Variants in CADM2 observed in about 807,000 individuals in gnomAD.
CADM2 encodes the protein cell adhesion molecule 2.
CADM2 carries 12 observed loss-of-function variants against 49.8 expected under a neutral mutation model. That is an observed-to-expected ratio of 0.24 (90% CI 0.15 to 0.39). The LOEUF is 0.39. Ranked by LOEUF, CADM2 falls within the 10% of genes least tolerant of loss-of-function variation. The probability of loss-of-function intolerance (pLI) is 1.00; values close to 1 mark genes in which losing one functional copy is unlikely to be tolerated. For missense variants in CADM2, 378 were observed against 492.3 expected (o/e 0.77, Z 2.20); for synonymous variants, 214 against 175.4 (o/e 1.22, Z -1.74).
intron 1 of CADM2, chr3:85,511,853 T>C (rs2040632194): frequency 2.0e-6 from 2 of 982,758 alleles, no homozygotes; most frequent in Non-Finnish European, 2.4e-6. Flanking sequence ...TCTTTCTGTT[T>C]TAGGTAAGCA....
At position 86,065,738 on chromosome 3, in the gene CADM2, A is replaced by G. The variant is rs1739230791; in HGVS notation, c.1096+8A>G. The G allele has an allele frequency of 6.2e-7, 1 of 1,612,276 alleles. No individual in the cohort carries two copies. On this transcript the variant is annotated splice_region_variant and intron_variant, in intron 9 of 9. Transcript: ENST00000383699. ...ATCTGGCAAGGCATAAAGGTACGTTATATTTAGCCAGAGTACACAATGTGG... is the reference window on the plus strand; with the variant it reads ...ATCTGGCAAGGCATAAAGGTACGTTGTATTTAGCCAGAGTACACAATGTGG...
chr3:85,693,723 C>CAAAAAAAAAA (rs397807084), intron 1 of CADM2, among the ~76,000 whole-genome samples: 1 of 66,556 alleles, frequency 1.5e-5, no homozygotes, highest in Non-Finnish European at 2.8e-5. Context: ...ACGTATCTAC[C>CAAAAAAAAAA]AAAAAAAAAA....
intron 1 of CADM2, among the ~76,000 whole-genome samples, chr3:85,118,561 G>C (rs901764759): frequency 2.6e-5 from 4 of 151,952 alleles, no homozygotes; most frequent in Non-Finnish European, 5.9e-5. Context: ...TCACTATCAC[G>C]AGAGCAACAT....
intron 1 of CADM2, among the ~76,000 whole-genome samples, chr3:85,183,765 G>T (rs1422203401): frequency 6.6e-6 from 1 of 152,100 alleles, no homozygotes; most frequent in African/African-American, 2.4e-5. Flanking sequence ...AGTCTATAAT[G>T]CAAGGCGAAT....
chr3:85,938,068 G>T (rs1250372565), intron 7 of CADM2, among the ~76,000 whole-genome samples: 1 of 151,934 alleles, frequency 6.6e-6, no homozygotes, highest in Non-Finnish European at 1.5e-5. Context: ...CTTCTTTGAT[G>T]CCTTTCTTCA....
At chr3:85,677,097 A>G (rs930583441) in intron 1 of CADM2, among the ~76,000 whole-genome samples, 6 of 152,166 alleles carry the variant, frequency 3.9e-5, no homozygotes, top group African/African-American at 1.2e-4. Context: ...TCTCAGCTTC[A>G]TGACACTGTT....
chr3:85,370,335 T>C (rs569318609), intron 1 of CADM2, among the ~76,000 whole-genome samples: 114 of 151,620 alleles, frequency 7.5e-4, no homozygotes, highest in Non-Finnish European at 1.3e-3. Flanking sequence ...GGCAGGAGAA[T>C]TGCTTGACCG....
intron 1 of CADM2, among the ~76,000 whole-genome samples, chr3:85,684,406 C>T (rs901322895): frequency 6.6e-6 from 1 of 151,896 alleles, no homozygotes; most frequent in African/African-American, 2.4e-5. Context: ...CAACTAACTC[C>T]CTATAGGTTT....
chr3:85,097,614 C>T (rs538906660), intron 1 of CADM2, among the ~76,000 whole-genome samples: 2 of 152,270 alleles, frequency 1.3e-5, no homozygotes, highest in African/African-American at 4.8e-5. Context: ...ACAGTCCCAC[C>T]AACAGTGTAA....
chr3:85,892,090 G>A (rs1714518802), intron 5 of CADM2, among the ~76,000 whole-genome samples: 1 of 152,184 alleles, frequency 6.6e-6, no homozygotes, highest in Non-Finnish European at 1.5e-5. Flanking sequence ...CAGCACTTGG[G>A]TTTGGGGAGA....
At chr3:86,026,961 C>G (rs567219494) in intron 8 of CADM2, among the ~76,000 whole-genome samples, 1 of 151,952 alleles carries the variant, frequency 6.6e-6, no homozygotes, top group South Asian at 2.1e-4. Context: ...AGTGAGAATG[C>G]CTTTCAAAAG....
chr3:85,928,648 G>C (rs1468909800), intron 6 of CADM2, among the ~76,000 whole-genome samples: 7 of 152,076 alleles, frequency 4.6e-5, no homozygotes, highest in Admixed American at 2.0e-4. Flanking sequence ...AAAAGTCTTA[G>C]AGCATTTTGC....
At chr3:85,934,868 C>T (rs1721011345) in intron 6 of CADM2, among the ~76,000 whole-genome samples, 1 of 151,868 alleles carries the variant, frequency 6.6e-6, no homozygotes, top group Non-Finnish European at 1.5e-5. Flanking sequence ...AGTTCAGAGC[C>T]TATTTTGTTT....
intron 1 of CADM2, among the ~76,000 whole-genome samples, chr3:85,449,052 A>AAATAATAATGAT (rs1553724927): frequency 1.9e-5 from 2 of 107,406 alleles, no homozygotes; most frequent in Non-Finnish European, 4.2e-5. Context: ...TCCAACTCAA[A>AAATAATAATGAT]AATAATAATA....
intron 1 of CADM2, among the ~76,000 whole-genome samples, chr3:85,131,273 T>A (rs745907181): frequency 1.1e-4 from 17 of 152,240 alleles, no homozygotes; most frequent in Non-Finnish European, 1.6e-4. Flanking sequence ...CTTTTTATTC[T>A]CAGAAACTGT....
chr3:85,000,998 A>G (rs1230291277), intron 1 of CADM2, among the ~76,000 whole-genome samples: 1 of 152,030 alleles, frequency 6.6e-6, no homozygotes, highest in Non-Finnish European at 1.5e-5. Flanking sequence ...TTTACCTTCC[A>G]CCTGTTACAC....
At chr3:85,957,538 A>G (rs1018285518) in intron 7 of CADM2, among the ~76,000 whole-genome samples, 2 of 151,676 alleles carry the variant, frequency 1.3e-5, no homozygotes, top group African/African-American at 2.4e-5. Flanking sequence ...TGTGTTACCA[A>G]CAATCAGTTT....
At chr3:85,385,234 C>A (rs553842947) in intron 1 of CADM2, among the ~76,000 whole-genome samples, 98 of 152,166 alleles carry the variant, frequency 6.4e-4, no homozygotes, top group Non-Finnish European at 1.1e-3. Flanking sequence ...CATGCCCAGG[C>A]GACACACTGT....
chr3:86,041,606 G>A (rs1578035995), intron 8 of CADM2, among the ~76,000 whole-genome samples: 1 of 152,166 alleles, frequency 6.6e-6, no homozygotes, highest in South Asian at 2.1e-4. Flanking sequence ...CCCACAAAGA[G>A]ACTTAGACTC....
Sources: gnomAD v4.1 joint callset for allele counts (sites outside exome capture counted in the v4.1 genomes callset) on GRCh38, gnomAD v4.1.1 for gene constraint, MANE v1.5 for transcripts, NCBI Gene and HGNC (gene_info 2026-07-23, HGNC 2026-07-21) for gene names.